The following LRIG3 variants were observed in gnomAD, a reference collection of about 807,000 sequenced individuals.
LRIG3 encodes leucine rich repeats and immunoglobulin like domains 3, also known as leucine-rich repeats and immunoglobulin-like domains protein 3.
A neutral mutation model predicts 114.5 loss-of-function variants in LRIG3; 76 were observed. The ratio of observed to expected loss-of-function variants is 0.66; its 90% CI spans 0.55 to 0.80. The LOEUF (loss-of-function observed/expected upper bound fraction) is 0.80, where lower values mean the gene tolerates loss of function less well. Ranked by LOEUF, LRIG3 falls within the 30% of genes least tolerant of loss-of-function variation. LRIG3 has a pLI of 0.00. For synonymous variants in LRIG3, 512 were observed against 519.8 expected, an observed-to-expected ratio of 0.98 and a Z score of 0.20; for missense variants, 1,239 against 1,382.8, an observed-to-expected ratio of 0.90 and a Z score of 1.65.
At position 58,876,426 on chromosome 12, in the gene LRIG3, A is replaced by G; in HGVS notation, c.2695+19T>C. The G allele has an allele frequency of 6.2e-7, 1 of 1,611,486 alleles. No homozygotes were observed. The highest frequency in any genetic ancestry group is 8.5e-7 in the Non-Finnish European group (1 of 1,178,238). On this transcript the variant is annotated intron_variant, in intron 16 of 18. Transcript: ENST00000320743. ...TGACTTCAAAACAATTACAGCCCAC[A>G]TTCATTTTAAACACTTACCACTACT...
chr12:58,910,384 C>T lies in LRIG3; in HGVS notation c.383+3598G>A, dbSNP rs779258158. Among the ~76,000 whole-genome samples, 205 of 152,010 alleles carry T rather than the reference C, an allele frequency of 1.3e-3. 1 individual carries two copies. The highest frequency in any genetic ancestry group is 2.4e-3 in the Non-Finnish European group (162 of 67,988). On this transcript the variant is annotated intron_variant, in intron 3 of 18. Transcript: ENST00000320743. ...CAGCATTCTGGGAGGCTGAGGCGGGCGGATCATGAGGTCAGGAGATCGAGA... is the reference window on the plus strand; with the variant it reads ...CAGCATTCTGGGAGGCTGAGGCGGGTGGATCATGAGGTCAGGAGATCGAGA...
intron 1 of LRIG3, chr12:58,919,565 G>A (rs1872597260): frequency 6.5e-7 from 1 of 1,545,722 alleles, no homozygotes; most frequent in African/African-American, 1.4e-5. Flanking sequence ...AACAGGAAAA[G>A]GAGTCTGACG....
chr12:58,885,734 A>G, intron 10 of LRIG3, 97 bp downstream of exon 10: 1 of 784,868 alleles, frequency 1.3e-6, no homozygotes. Context: ...AAGGATGCCA[A>G]CAAAATTACA....
chr12:58,881,570 C>A (rs946247319), intron 12 of LRIG3, among the ~76,000 whole-genome samples: 6 of 152,204 alleles, frequency 3.9e-5, no homozygotes, highest in Non-Finnish European at 8.8e-5. Flanking sequence ...CTAAGCAACT[C>A]TTTCATTCTA....
At chr12:58,878,044 C>T (rs1463190913) in intron 14 of LRIG3, among the ~76,000 whole-genome samples, 192 bp from the exon 15 acceptor site, 1 of 152,186 alleles carries the variant, frequency 6.6e-6, no homozygotes, top group African/African-American at 2.4e-5. Context: ...TTACTCATAA[C>T]ACCAGTTAAG....
In LRIG3 at chr12:58,879,084, G is replaced by A; in HGVS notation, c.1823C>T (p.Thr608Ile). Reference sequence around the variant, plus strand: ...AGCTCGGATGGTGAGATCCATGGGGGTCTTGGTGAATGAGGGAAGCACTGA... The same window carrying A: ...AGCTCGGATGGTGAGATCCATGGGGATCTTGGTGAATGAGGGAAGCACTGA... Reference protein sequence around the residue: ...TVNMLPSFTKTPMDLTIRAGA... With the variant: ...TVNMLPSFTKIPMDLTIRAGA... The change falls in exon 14 of 19, where the codon ACC becomes ATC. Residue 608 changes from threonine to isoleucine, a missense_variant. Coordinates refer to ENST00000320743, the MANE Select transcript of LRIG3 (RefSeq NM_153377.5). 6.2e-7 allele frequency: 1 copy of A among 1,612,550 alleles called. No homozygotes were observed. The highest frequency in any genetic ancestry group is 1.1e-5 in the South Asian group (1 of 91,032).
intron 12 of LRIG3, 84 bp downstream of exon 12, chr12:58,882,785 A>C (rs1350998279): frequency 1.8e-5 from 25 of 1,402,830 alleles, no homozygotes; most frequent in Non-Finnish European, 2.4e-5. Context: ...AGAGATCATA[A>C]ATCTATTCAA....
At chr12:58,886,519 A>G (rs759092087) in intron 9 of LRIG3, among the ~76,000 whole-genome samples, 1 of 152,124 alleles carries the variant, frequency 6.6e-6, no homozygotes, top group Non-Finnish European at 1.5e-5. Context: ...CTTTTACGCA[A>G]TGATAATTCC....
chr12:58,911,888 T>C (rs548894468), intron 3 of LRIG3, among the ~76,000 whole-genome samples: 1 of 152,212 alleles, frequency 6.6e-6, no homozygotes, highest in African/African-American at 2.4e-5. Flanking sequence ...TTCATAGGTA[T>C]AAAAAGAAGT....
intron 1 of LRIG3, among the ~76,000 whole-genome samples, chr12:58,917,032 C>T (rs1356937258): frequency 6.6e-6 from 1 of 152,152 alleles, no homozygotes; most frequent in African/African-American, 2.4e-5. Flanking sequence ...TTTTAAGACA[C>T]TGATCCAAAG....
At chr12:58,882,741 T>G (rs903023065) in intron 12 of LRIG3, 128 bp downstream of exon 12, 1 of 1,000,702 alleles carries the variant, frequency 1.0e-6, no homozygotes, top group African/African-American at 1.6e-5. Context: ...TAGACCCATT[T>G]TCCTCTACCT....
At position 58,901,490 on chromosome 12, in the gene LRIG3, A is replaced by C. The variant is rs148654951; in HGVS notation, c.384-10694T>G. On this transcript the variant is annotated intron_variant, in intron 3 of 18. Coordinates refer to ENST00000320743, the MANE Select transcript of LRIG3 (RefSeq NM_153377.5). The stretch of plus-strand genomic sequence containing the variant: ...GAGTGGCTATTTAAATTTACACTGA[A>C]AATTCAATTCCTGGGTCACACTAGC... Among the ~76,000 whole-genome samples, 561 of 152,278 alleles carry C rather than the reference A, an allele frequency of 3.7e-3. 8 individuals carry two copies. The highest frequency in any genetic ancestry group is 0.013 in the African/African-American group (542 of 41,546).
intron 18 of LRIG3, 123 bp downstream of exon 18, chr12:58,873,932 A>G (rs1169672896): frequency 1.7e-5 from 20 of 1,143,174 alleles, no homozygotes; most frequent in Non-Finnish European, 2.5e-5. Context: ...GTCGGATGTC[A>G]TGGCAGCCTC....
chr12:58,889,218 C>T (rs1178414191), intron 5 of LRIG3, among the ~76,000 whole-genome samples: 1 of 152,078 alleles, frequency 6.6e-6, no homozygotes, highest in Non-Finnish European at 1.5e-5. Context: ...AAGTCTTGTC[C>T]ACTCAGTATA....
chr12:58,873,361 C>T (rs535757188), intron 18 of LRIG3, among the ~76,000 whole-genome samples: 33 of 152,292 alleles, frequency 2.2e-4, no homozygotes, highest in South Asian at 1.7e-3. Context: ...TAAAACATAA[C>T]ATTTCGTAGA....
chr12:58,877,641 G>GT lies in LRIG3; in HGVS notation c.2294dup (p.Tyr765Ter), dbSNP rs1484913153. ...CAAGGGTGTTAGACATCTCACATGT[G>GT]TATTTCCCAGCATCACTGACATCTG... ...VDSDVSDAGK[Y>*]TCEMSNTLGT... is the part of the protein sequence containing the mutation. Residue 765 changes from tyrosine (Y) to a stop codon, truncating the protein, a stop_gained and frameshift_variant, in exon 15 of 19, where the codon TAC becomes TAAC. Transcript: ENST00000320743. LOFTEE classifies it high-confidence loss of function. The GT allele has an allele frequency of 6.2e-7, 1 of 1,614,050 alleles. No individual in the cohort carries two copies. Among genetic ancestry groups the GT allele is most frequent in the African/African-American group, 1.3e-5 (1 of 74,914 alleles).
chr12:58,905,690 G>A (rs1205729141), intron 3 of LRIG3, among the ~76,000 whole-genome samples: 1 of 152,118 alleles, frequency 6.6e-6, no homozygotes, highest in Non-Finnish European at 1.5e-5. Context: ...ATAGATTAAT[G>A]AGCTATCATG....
chr12:58,920,045 C>G lies in LRIG3; in HGVS notation c.191G>C (p.Arg64Pro), dbSNP rs770064844. The G allele has an allele frequency of 7.1e-6, 11 of 1,552,786 alleles. No homozygotes were observed. Among genetic ancestry groups the G allele is most frequent in the Non-Finnish European group, 8.7e-7 (1 of 1,148,372 alleles). Residue 64 changes from arginine to proline, a missense_variant, in exon 1 of 19, where the codon CGG (arginine) becomes CCG (proline). By Grantham distance (103) the Arg-to-Pro change is moderately radical (BLOSUM62 -2). Coordinates refer to ENST00000320743, the MANE Select transcript of LRIG3 (RefSeq NM_153377.5). ...GAGTGGCTCGGGAAGACGCGCTAGCCGCTTACGACTGCAGTCCAGCAGGTC... is the reference window on the plus strand; with the variant it reads ...GAGTGGCTCGGGAAGACGCGCTAGCGGCTTACGACTGCAGTCCAGCAGGTC... ...LGDLLDCSRK[R>P]LARLPEPLPS...
chr12:58,918,902 T>C (rs1872570913), intron 1 of LRIG3, among the ~76,000 whole-genome samples: 1 of 152,230 alleles, frequency 6.6e-6, no homozygotes, highest in Non-Finnish European at 1.5e-5. Context: ...ACAAAAGTTA[T>C]TTAGATTAGC....
Sources: allele counts gnomAD v4.1 joint callset (sites outside exome capture counted in the v4.1 genomes callset), GRCh38; gene constraint gnomAD v4.1.1; transcripts MANE v1.5; gene names NCBI Gene and HGNC (gene_info 2026-07-23, HGNC 2026-07-21).